The following MROH9 variants were observed in gnomAD, a reference collection of about 807,000 sequenced individuals.
The protein encoded by MROH9 is maestro heat like repeat family member 9, also known as maestro heat-like repeat-containing protein family member 9.
A neutral mutation model predicts 98.2 loss-of-function variants in MROH9; 92 were observed. The observed-to-expected ratio is 0.94, with a 90% confidence interval of 0.79 to 1.11. The LOEUF (loss-of-function observed/expected upper bound fraction) is 1.11. Among genes scored for constraint, MROH9 ranks in the 50% most tolerant of loss-of-function variants. MROH9 has a pLI of 0.00. For missense variants in MROH9, 1,057 were observed against 1,014.8 expected (o/e 1.04, Z -0.57); for synonymous variants, 397 against 368.9 (o/e 1.08, Z -0.87).
Position 171,029,099 on chromosome 1 carries a change from G to A in MROH9, c.2281+3679G>A, listed in dbSNP as rs149685172. Among the ~76,000 whole-genome samples the A allele has an allele frequency of 4.0e-3, 602 of 152,276 alleles. 3 individuals carry two copies. Among genetic ancestry groups the A allele is most frequent in the African/African-American group, 0.014 (585 of 41,564 alleles). ...TTCTTGTTTTGTACCAGTTTTCAAA[G>A]GGAATGTTTCCAGCTTTTGCCCATT... On this transcript the variant is annotated intron_variant, in intron 20 of 21. Coordinates refer to ENST00000367759, the MANE Select transcript of MROH9 (RefSeq NM_001163629.2).
intron 9 of MROH9, among the ~76,000 whole-genome samples, chr1:170,985,833 A>G (rs1250279432): frequency 6.6e-6 from 1 of 151,602 alleles, no homozygotes; most frequent in African/African-American, 2.4e-5. Flanking sequence ...GTGATCATCA[A>G]TTCTCACTCA....
chr1:171,037,142 C>A (rs1653129076), intron 20 of MROH9, among the ~76,000 whole-genome samples: 1 of 150,036 alleles, frequency 6.7e-6, no homozygotes, highest in South Asian at 2.1e-4. Context: ...CTCAAAGCAA[C>A]TAACTCATTA....
chr1:171,004,159 C>CT (rs1206358422), intron 15 of MROH9, among the ~76,000 whole-genome samples: 3 of 152,176 alleles, frequency 2.0e-5, no homozygotes, highest in Admixed American at 6.5e-5. Flanking sequence ...TTGCCCAAGG[C>CT]TTTTCTCCTC....
At chr1:171,014,826 G>A (rs1652273506) in intron 16 of MROH9, among the ~76,000 whole-genome samples, 1 of 152,190 alleles carries the variant, frequency 6.6e-6, no homozygotes, top group East Asian at 1.9e-4. Flanking sequence ...AGCATCACCT[G>A]GAGACTTGCT....
intron 15 of MROH9, among the ~76,000 whole-genome samples, chr1:171,012,793 G>A (rs561880679): frequency 1.5e-4 from 23 of 152,184 alleles, no homozygotes; most frequent in South Asian, 6.2e-4. Context: ...ATGAGCCACC[G>A]CACCCGGCCA....
At chr1:170,986,181 C>G (rs1005940429) in intron 9 of MROH9, among the ~76,000 whole-genome samples, 2 of 152,118 alleles carry the variant, frequency 1.3e-5, no homozygotes, top group East Asian at 3.9e-4. Flanking sequence ...AAAGTCCATG[C>G]CTTTGATTCC....
chr1:171,062,315 A>G (rs1311993711), intron 21 of MROH9, 121 bp downstream of exon 21: 5 of 656,540 alleles, frequency 7.6e-6, no homozygotes, highest in African/African-American at 1.8e-5. Flanking sequence ...GGGTGGTGGT[A>G]GTAGTAGTTG....
chr1:171,002,794 G>A (rs374215859), intron 15 of MROH9, among the ~76,000 whole-genome samples: 40 of 152,158 alleles, frequency 2.6e-4, no homozygotes, highest in Admixed American at 1.2e-3. Flanking sequence ...TCTGCATGTC[G>A]AGATCTCTAG....
At chr1:170,980,608 C>CA in intron 8 of MROH9, among the ~76,000 whole-genome samples, 1 of 152,272 alleles carries the variant, frequency 6.6e-6, no homozygotes, top group Non-Finnish European at 1.5e-5. Flanking sequence ...ACATCTTACA[C>CA]AAAAATTATC....
chr1:170,958,089 G>T (rs1017848597), intron 3 of MROH9, among the ~76,000 whole-genome samples: 2 of 152,022 alleles, frequency 1.3e-5, no homozygotes, highest in African/African-American at 2.4e-5. Context: ...GATTACAGGC[G>T]TGAGCCACCA....
chr1:171,037,750 A>G (rs1653153728), intron 20 of MROH9, among the ~76,000 whole-genome samples: 1 of 152,082 alleles, frequency 6.6e-6, no homozygotes, highest in African/African-American at 2.4e-5. Context: ...ACAGATAAAT[A>G]GGACATAATA....
intron 20 of MROH9, among the ~76,000 whole-genome samples, chr1:171,031,860 C>A (rs1652925119): frequency 6.6e-6 from 1 of 152,160 alleles, no homozygotes; most frequent in South Asian, 2.1e-4. Context: ...CGGATAATAT[C>A]CTGAAGTGTG....
Position 171,014,066 on chromosome 1 carries a change from C to T in MROH9, c.1597-51C>T, listed in dbSNP as rs912315917. 102 of 1,436,792 alleles carry T rather than the reference C, an allele frequency of 7.1e-5. No homozygotes were observed. In the African/African-American group the frequency reaches 9.2e-4, roughly 13 times the overall value. The allele number at this position is 1,436,792 out of a possible 1,614,324, so 89.0% of individuals were successfully genotyped here. A position where few individuals can be genotyped will look rare whatever the true frequency, so the allele number is the denominator to read the frequency against. On this transcript the variant is annotated intron_variant, in intron 15 of 21. Transcript: ENST00000367759. ...ATATCTTGATTTTTATGACAGAAAT[C>T]GTGCAGTGGCCTCTACTTTGCTTAT...
chr1:171,041,845 T>G (rs908541454), intron 20 of MROH9, among the ~76,000 whole-genome samples: 2 of 152,016 alleles, frequency 1.3e-5, no homozygotes. Context: ...TTTTTCATTT[T>G]TTAATATTTT....
At chr1:171,017,417 T>C (rs559071979) in intron 17 of MROH9, among the ~76,000 whole-genome samples, 4 of 152,120 alleles carry the variant, frequency 2.6e-5, no homozygotes, top group African/African-American at 9.6e-5. Context: ...AAACGTGTTT[T>C]TTCCACGAAA....
intron 7 of MROH9, among the ~76,000 whole-genome samples, chr1:170,969,065 T>G (rs1557877946): frequency 1.3e-5 from 2 of 152,214 alleles, no homozygotes; most frequent in Non-Finnish European, 2.9e-5. Context: ...GAATTGCTAT[T>G]TGACACAGAA....
intron 3 of MROH9, among the ~76,000 whole-genome samples, chr1:170,954,317 T>A (rs1377448700): frequency 6.6e-6 from 1 of 152,212 alleles, no homozygotes; most frequent in South Asian, 2.1e-4. Flanking sequence ...AATTGTAAAT[T>A]CTTAAGAAAT....
intron 5 of MROH9, among the ~76,000 whole-genome samples, chr1:170,960,402 T>C (rs1649973915): frequency 1.3e-5 from 2 of 152,130 alleles, no homozygotes; most frequent in Admixed American, 6.5e-5. Flanking sequence ...AAAGTCTTCT[T>C]CCAATACTAG....
chr1:171,057,412 A>G (rs895871052), intron 20 of MROH9, among the ~76,000 whole-genome samples: 7 of 152,214 alleles, frequency 4.6e-5, no homozygotes, highest in African/African-American at 1.7e-4. Flanking sequence ...AGGCAAGATT[A>G]GAGAAAAAAG....
Sources: allele counts gnomAD v4.1 joint callset (sites outside exome capture counted in the v4.1 genomes callset), GRCh38; gene constraint gnomAD v4.1.1; transcripts MANE v1.5; gene names NCBI Gene and HGNC (gene_info 2026-07-23, HGNC 2026-07-21).